Variants in HSD17B2 observed in about 807,000 individuals in gnomAD.
HSD17B2 encodes the protein hydroxysteroid 17-beta dehydrogenase 2, also known as 17-beta-hydroxysteroid dehydrogenase type 2.
A neutral mutation model predicts 26.9 loss-of-function variants in HSD17B2; 32 were observed. That is an observed-to-expected ratio of 1.19 (90% confidence interval 0.90 to 1.60). HSD17B2 has a LOEUF of 1.60. HSD17B2 is among the 40% of genes most tolerant of loss of function. The probability of loss-of-function intolerance (pLI) is 0.00; values close to 1 mark genes in which losing one functional copy is unlikely to be tolerated. For synonymous variants in HSD17B2, 246 were observed against 186.7 expected (o/e 1.32, Z -2.59); for missense variants, 613 against 468.6 (o/e 1.31, Z -2.85).
At chr16:82,065,671 T>C (rs1416790152) in intron 1 of HSD17B2, among the ~76,000 whole-genome samples, 1 of 152,232 alleles carries the variant, frequency 6.6e-6, no homozygotes, top group Non-Finnish European at 1.5e-5. Context: ...ATACCCTTTC[T>C]TACAGACCAC....
intron 3 of HSD17B2, among the ~76,000 whole-genome samples, chr16:82,088,140 G>A (rs1173133795): frequency 6.6e-6 from 1 of 152,188 alleles, no homozygotes; most frequent in Non-Finnish European, 1.5e-5. Context: ...AGTATTAAGT[G>A]CAGATTCTGA....
At chr16:82,047,604 G>C (rs1397180997) in intron 1 of HSD17B2, among the ~76,000 whole-genome samples, 1 of 152,174 alleles carries the variant, frequency 6.6e-6, no homozygotes, top group East Asian at 1.9e-4. Flanking sequence ...AGAGGATGTA[G>C]GAGACTGGGG....
intron 3 of HSD17B2, among the ~76,000 whole-genome samples, chr16:82,074,102 A>G (rs1055336884): frequency 6.6e-6 from 1 of 152,220 alleles, no homozygotes; most frequent in Non-Finnish European, 1.5e-5. Context: ...CAATGGGGGT[A>G]AGGATTCCCT....
At chr16:82,058,060 T>A (rs1328434948) in intron 1 of HSD17B2, among the ~76,000 whole-genome samples, 1 of 151,800 alleles carries the variant, frequency 6.6e-6, no homozygotes, top group African/African-American at 2.4e-5. Context: ...GTAAGATTGT[T>A]GTTGTTGTTA....
At chr16:82,069,419 G>A (rs147354290) in intron 2 of HSD17B2, among the ~76,000 whole-genome samples, 1 of 152,284 alleles carries the variant, frequency 6.6e-6, no homozygotes, top group African/African-American at 2.4e-5. Context: ...TATTCCTTTG[G>A]ATGTATACCC....
chr16:82,098,517 G>C lies in HSD17B2; in HGVS notation c.*81G>C. 2.8e-6 allele frequency: 4 copies of C among 1,437,934 alleles called. No individual in the cohort carries two copies. Among genetic ancestry groups the C allele is most frequent in the Admixed American group, 2.3e-5 (1 of 44,326 alleles). 89.1% of individuals were successfully genotyped at this position (1,437,934 alleles called of 1,614,324 possible). A position where few individuals can be genotyped will look rare whatever the true frequency, so the allele number is the denominator to read the frequency against. ...CTGGGAAACTGGGTTTCTCATTAAAGTTGTTTCCCACTCTGTATTCTCTGT... is the reference window on the plus strand; with the variant it reads ...CTGGGAAACTGGGTTTCTCATTAAACTTGTTTCCCACTCTGTATTCTCTGT... On this transcript the variant is annotated 3_prime_UTR_variant, in exon 5 of 5. Coordinates refer to ENST00000199936, the MANE Select transcript of HSD17B2 (RefSeq NM_002153.3).
intron 1 of HSD17B2, among the ~76,000 whole-genome samples, chr16:82,057,692 T>C (rs879590943): frequency 2.0e-5 from 3 of 152,238 alleles, no homozygotes; most frequent in Non-Finnish European, 4.4e-5. Flanking sequence ...TGATGTGATG[T>C]GATGAAATGG....
chr16:82,066,420 G>A (rs749760334), intron 1 of HSD17B2, among the ~76,000 whole-genome samples: 5 of 152,106 alleles, frequency 3.3e-5, no homozygotes, highest in East Asian at 1.9e-4. Context: ...GGCAGTGTTC[G>A]CACATGCCAA....
chr16:82,066,919 T>G (rs1344908887), intron 1 of HSD17B2, among the ~76,000 whole-genome samples: 1 of 152,246 alleles, frequency 6.6e-6, no homozygotes, highest in Non-Finnish European at 1.5e-5. Flanking sequence ...TCTTTTGCTT[T>G]TATACAGTGT....
chr16:82,061,193 G>C (rs1914428651), intron 1 of HSD17B2, among the ~76,000 whole-genome samples: 2 of 151,888 alleles, frequency 1.3e-5, no homozygotes, highest in African/African-American at 4.8e-5. Context: ...AGGAGGCAGA[G>C]GATGCAGTAA....
At chr16:82,093,926 T>C (rs1904765253) in intron 4 of HSD17B2, 1 of 152,218 alleles carries the variant, frequency 6.6e-6, no homozygotes, top group Admixed American at 6.5e-5. Context: ...GAGCAACTTC[T>C]GGACATTGCC....
intron 1 of HSD17B2, among the ~76,000 whole-genome samples, chr16:82,061,851 A>G (rs1184108485): frequency 6.6e-6 from 1 of 152,218 alleles, no homozygotes; most frequent in African/African-American, 2.4e-5. Context: ...TTGTAAATTT[A>G]TCCCCCATCT....
At chr16:82,049,706 A>C (rs1243655665) in intron 1 of HSD17B2, among the ~76,000 whole-genome samples, 1 of 152,248 alleles carries the variant, frequency 6.6e-6, no homozygotes, top group Non-Finnish European at 1.5e-5. Flanking sequence ...AACTGCAGGT[A>C]ATACAAGAAC....
intron 1 of HSD17B2, among the ~76,000 whole-genome samples, chr16:82,040,647 T>G (rs1460739469): frequency 6.6e-6 from 1 of 152,220 alleles, no homozygotes; most frequent in East Asian, 1.9e-4. Flanking sequence ...ATGACTCTGC[T>G]TAATACAGAG....
At chr16:82,050,247 T>G (rs1171257024) in intron 1 of HSD17B2, among the ~76,000 whole-genome samples, 2 of 152,138 alleles carry the variant, frequency 1.3e-5, no homozygotes, top group African/African-American at 4.8e-5. Context: ...GGGTTCCCCA[T>G]CTTGGTGAGC....
chr16:82,050,889 G>A (rs1275472498), intron 1 of HSD17B2, among the ~76,000 whole-genome samples: 1 of 152,084 alleles, frequency 6.6e-6, no homozygotes, highest in East Asian at 1.9e-4. Flanking sequence ...GAACTTTTCT[G>A]TACATTATAG....
At chr16:82,057,327 T>G (rs1369356772) in intron 1 of HSD17B2, among the ~76,000 whole-genome samples, 1 of 151,934 alleles carries the variant, frequency 6.6e-6, no homozygotes, top group Non-Finnish European at 1.5e-5. Flanking sequence ...GCCTCCTGAA[T>G]AGCTGGGACT....
At chr16:82,066,073 A>G (rs2143973183) in intron 1 of HSD17B2, among the ~76,000 whole-genome samples, 1 of 152,278 alleles carries the variant, frequency 6.6e-6, no homozygotes, top group African/African-American at 2.4e-5. Flanking sequence ...TTCTTCAGGA[A>G]CTGGGCTCAC....
Position 82,070,556 on chromosome 16 carries a change from G to A in HSD17B2, c.479-386G>A, listed in dbSNP as rs562071055. Among the ~76,000 whole-genome samples the A allele has an allele frequency of 3.3e-5, 5 of 152,348 alleles. No individual in the cohort carries two copies. In the South Asian group the frequency reaches 6.2e-4, roughly 19 times the overall value. ...TCCGCCCATGTGGCATGCCCGTGAT[G>A]GGGAATTTATCAGTGGTTTGTTGGT... On this transcript the variant is annotated intron_variant, in intron 2 of 4. Transcript: ENST00000199936.
Sources: gnomAD v4.1 joint callset for allele counts (sites outside exome capture counted in the v4.1 genomes callset) on GRCh38, gnomAD v4.1.1 for gene constraint, MANE v1.5 for transcripts, NCBI Gene and HGNC (gene_info 2026-07-23, HGNC 2026-07-21) for gene names.